Variants in LEPR observed in about 807,000 individuals in gnomAD.
LEPR encodes the protein OB receptor.
In LEPR, 56 loss-of-function variants were observed where a neutral mutation model predicts 114.7. The ratio of observed to expected loss-of-function variants is 0.49; its 90% CI spans 0.39 to 0.61. The LOEUF (loss-of-function observed/expected upper bound fraction) is 0.61, where lower values mean the gene tolerates loss of function less well. Ranked by LOEUF, LEPR falls within the 20% of genes least tolerant of loss-of-function variation. LEPR has a pLI of 0.00. For missense variants in LEPR, 1,202 were observed against 1,352.9 expected (o/e 0.89, Z 1.75); for synonymous variants, 443 against 461.4 (o/e 0.96, Z 0.51).
intron 2 of LEPR, among the ~76,000 whole-genome samples, chr1:65,555,680 C>T (rs1439008027): frequency 1.3e-5 from 2 of 152,096 alleles, no homozygotes; most frequent in Non-Finnish European, 2.9e-5. Flanking sequence ...TGGGAATTTG[C>T]TTATTTTTCT....
intron 2 of LEPR, among the ~76,000 whole-genome samples, chr1:65,464,145 G>T (rs1646980871): frequency 6.6e-6 from 1 of 152,148 alleles, no homozygotes; most frequent in African/African-American, 2.4e-5. Context: ...CATTCAGTAT[G>T]ATACTGGCTG....
intron 2 of LEPR, chr1:65,432,932 A>G: frequency 2.1e-6 from 2 of 970,796 alleles, no homozygotes; most frequent in East Asian, 1.1e-4. Flanking sequence ...TAATTTGTCA[A>G]TATATAATCA....
rs1657875009 is a variant in LEPR, at chr1:65,621,377, A to G, written c.2516A>G (p.Asp839Gly). The G allele has an allele frequency of 6.2e-7, 1 of 1,613,396 alleles. No homozygotes were observed. Among genetic ancestry groups the G allele is most frequent in the Non-Finnish European group, 8.5e-7 (1 of 1,179,612 alleles). Residue 839 changes from aspartate (D) to glycine (G), a missense_variant, in exon 18 of 20, where the codon GAT becomes GGT. By Grantham distance (94) the Asp-to-Gly change is moderately conservative. Coordinates refer to ENST00000349533, the MANE Select transcript of LEPR (RefSeq NM_002303.6). The part of the protein sequence containing the change: ...TQDDIEKHQS[D>G]AGLYVIVPVI... ...GATGATATTGAAAAACACCAGAGTG[A>G]TGCAGGTTTATATGTAATTGTGCCA...
At chr1:65,434,565 A>C (rs1383715876) in intron 2 of LEPR, 1 of 985,436 alleles carries the variant, frequency 1.0e-6, no homozygotes, top group South Asian at 4.7e-5. Context: ...AATATACCTA[A>C]CCTGTGATAC....
intron 10 of LEPR, among the ~76,000 whole-genome samples, chr1:65,602,963 C>T (rs530717594): frequency 2.2e-4 from 34 of 152,186 alleles, no homozygotes; most frequent in Non-Finnish European, 4.4e-4. Context: ...GGCATTTTCA[C>T]ATTAGAAAAG....
At chr1:65,464,601 T>C (rs1226482610) in intron 2 of LEPR, among the ~76,000 whole-genome samples, 1 of 152,222 alleles carries the variant, frequency 6.6e-6, no homozygotes, top group African/African-American at 2.4e-5. Flanking sequence ...GAAGGAATAG[T>C]ACCAGCTCCT....
chr1:65,520,559 T>C (rs1217144858), intron 2 of LEPR, among the ~76,000 whole-genome samples: 1 of 152,168 alleles, frequency 6.6e-6, no homozygotes, highest in East Asian at 1.9e-4. Flanking sequence ...GTTAACATCA[T>C]TATTGAAGAG....
intron 2 of LEPR, chr1:65,486,452 C>G (rs978153897): frequency 6.6e-6 from 1 of 152,156 alleles, no homozygotes; most frequent in African/African-American, 2.4e-5. Flanking sequence ...TGACCATTAA[C>G]TCTTCTCAAA....
intron 2 of LEPR, among the ~76,000 whole-genome samples, chr1:65,531,663 A>T (rs1440213331): frequency 6.6e-6 from 1 of 152,102 alleles, no homozygotes; most frequent in East Asian, 1.9e-4. Context: ...TGGTGATTGA[A>T]TGCTATTGTT....
chr1:65,574,241 G>T (rs1373290325), intron 5 of LEPR, among the ~76,000 whole-genome samples: 1 of 152,150 alleles, frequency 6.6e-6, no homozygotes, highest in Non-Finnish European at 1.5e-5. Flanking sequence ...GCAGTATAGT[G>T]TTGGGAAGAG....
rs115774795 is a variant in LEPR, at chr1:65,595,074, C to T, written c.704-1374C>T. Among the ~76,000 whole-genome samples, 380 of 152,006 alleles carry T rather than the reference C, an allele frequency of 2.5e-3. 4 individuals are homozygous for T. The highest frequency in any genetic ancestry group is 2.3e-3 in the Non-Finnish European group (154 of 67,926). On this transcript the variant is annotated intron_variant, in intron 6 of 19. Coordinates refer to ENST00000349533, the MANE Select transcript of LEPR (RefSeq NM_002303.6). Reference sequence around the variant, plus strand: ...TGCTATGGAATGACTATGACACATCCACAGGGGATTGGAGTAAAGGGGAAG... The same window carrying T: ...TGCTATGGAATGACTATGACACATCTACAGGGGATTGGAGTAAAGGGGAAG...
chr1:65,448,860 C>A (rs925826145), intron 2 of LEPR, among the ~76,000 whole-genome samples: 3 of 152,164 alleles, frequency 2.0e-5, no homozygotes, highest in Non-Finnish European at 4.4e-5. Context: ...TCCGTGGGAT[C>A]TGTAATGATG....
intron 2 of LEPR, among the ~76,000 whole-genome samples, chr1:65,513,235 G>A (rs892868401): frequency 2.0e-4 from 30 of 152,296 alleles, no homozygotes; most frequent in Non-Finnish European, 3.2e-4. Flanking sequence ...CTAGATCCAT[G>A]TGCTTGGTGT....
intron 2 of LEPR, among the ~76,000 whole-genome samples, chr1:65,511,148 C>T (rs1205778594): frequency 6.6e-6 from 1 of 152,176 alleles, no homozygotes; most frequent in African/African-American, 2.4e-5. Context: ...TTCTTTCTGT[C>T]ACATTTCTGA....
intron 2 of LEPR, among the ~76,000 whole-genome samples, chr1:65,426,892 G>A (rs1646385696): frequency 6.6e-6 from 1 of 152,158 alleles, no homozygotes; most frequent in Admixed American, 6.5e-5. Flanking sequence ...CAGCTACTTA[G>A]GAGGCTGAGG....
chr1:65,597,658 T>C (rs11208683), intron 7 of LEPR, among the ~76,000 whole-genome samples: 76,595 of 151,908 alleles, frequency 0.5, 20,141 homozygotes, highest in East Asian at 0.88. Flanking sequence ...GGGAAGAGAA[T>C]GTGGAGCTCA....
At position 65,620,002 on chromosome 1, in the gene LEPR, A is replaced by G; in HGVS notation, c.2470A>G (p.Ile824Val). The change falls in exon 17 of 20, where the codon ATA becomes GTA. Residue 824 changes from isoleucine (I) to valine (V), a missense_variant. By Grantham distance (29) the Ile-to-Val change is conservative. Coordinates refer to ENST00000349533, the MANE Select transcript of LEPR (RefSeq NM_002303.6). Reference sequence around the variant, plus strand: ...TATGGAAGGAGTGGGAAAACCAAAGATAATTAATAGTTTCACTCAAGGTAA... The same window carrying G: ...TATGGAAGGAGTGGGAAAACCAAAGGTAATTAATAGTTTCACTCAAGGTAA... ...IFMEGVGKPK[I>V]INSFTQDDIE... The G allele has an allele frequency of 6.2e-7, 1 of 1,611,250 alleles. No individual in the cohort carries two copies. The highest frequency in any genetic ancestry group is 8.5e-7 in the Non-Finnish European group (1 of 1,177,782).
intron 2 of LEPR, among the ~76,000 whole-genome samples, chr1:65,491,591 C>T (rs886907403): frequency 3.1e-4 from 47 of 152,002 alleles, no homozygotes; most frequent in Non-Finnish European, 6.3e-4. Flanking sequence ...TAAGGGAAAG[C>T]GCTTTCTCCT....
At chr1:65,478,706 AG>A (rs1647184967) in intron 2 of LEPR, among the ~76,000 whole-genome samples, 1 of 152,222 alleles carries the variant, frequency 6.6e-6, no homozygotes, top group African/African-American at 2.4e-5. Flanking sequence ...CACAAAAAGT[AG>A]GGGTAGACCA....
Sources: allele counts gnomAD v4.1 joint callset (sites outside exome capture counted in the v4.1 genomes callset), GRCh38; gene constraint gnomAD v4.1.1; transcripts MANE v1.5; gene names NCBI Gene and HGNC (gene_info 2026-07-23, HGNC 2026-07-21).